The following PLCB1 variants were observed in gnomAD, a reference collection of about 807,000 sequenced individuals.
The protein encoded by PLCB1 is 1-phosphatidylinositol 4,5-bisphosphate phosphodiesterase beta-1.
Under a neutral mutation model 161.8 loss-of-function variants are expected in PLCB1, and 46 were observed. The ratio of observed to expected loss-of-function variants is 0.28; its 90% CI spans 0.22 to 0.36. The LOEUF is 0.36. Among genes scored for constraint, PLCB1 ranks in the 10% least tolerant of loss-of-function variants. The pLI is 1.00. For synonymous variants in PLCB1, 517 were observed against 503.7 expected, an observed-to-expected ratio of 1.03 and a Z score of -0.35; for missense variants, 1,016 against 1,472.5, an observed-to-expected ratio of 0.69 and a Z score of 5.07.
chr20:8,713,728 T>A (rs1290020766), intron 12 of PLCB1, among the ~76,000 whole-genome samples: 2 of 152,178 alleles, frequency 1.3e-5, no homozygotes, highest in Non-Finnish European at 2.9e-5. Context: ...ATCTGCAGTC[T>A]GGCTTAAAAT....
intron 3 of PLCB1, among the ~76,000 whole-genome samples, chr20:8,606,677 C>T (rs973346378): frequency 1.3e-5 from 2 of 152,226 alleles, no homozygotes; most frequent in African/African-American, 4.8e-5. Context: ...TTCTGTCAGG[C>T]TTTGAATGAG....
intron 31 of PLCB1, among the ~76,000 whole-genome samples, chr20:8,826,866 G>A (rs1328712528): frequency 2.0e-5 from 3 of 152,172 alleles, no homozygotes; most frequent in Admixed American, 6.5e-5. Context: ...GTGATTTTAT[G>A]CGTCTGTGTT....
chr20:8,353,748 A>G (rs189742237), intron 2 of PLCB1, among the ~76,000 whole-genome samples: 1 of 152,134 alleles, frequency 6.6e-6, no homozygotes, highest in Non-Finnish European at 1.5e-5. Context: ...TGCCAAAGAG[A>G]CACCCTAAGA....
chr20:8,235,170 C>A (rs1781836587), intron 2 of PLCB1, among the ~76,000 whole-genome samples: 1 of 152,008 alleles, frequency 6.6e-6, no homozygotes, highest in African/African-American at 2.4e-5. Context: ...TATTCAGAGC[C>A]TTTTCCAGCC....
chr20:8,279,146 T>C (rs1187518488), intron 2 of PLCB1, among the ~76,000 whole-genome samples: 1 of 152,130 alleles, frequency 6.6e-6, no homozygotes, highest in Non-Finnish European at 1.5e-5. Context: ...CAGTGTTCCA[T>C]ACCTAGATAT....
At chr20:8,705,574 T>C (rs1978625426) in intron 11 of PLCB1, among the ~76,000 whole-genome samples, 1 of 152,222 alleles carries the variant, frequency 6.6e-6, no homozygotes, top group Non-Finnish European at 1.5e-5. Context: ...TGAATTATGC[T>C]GTCTGGATGG....
chr20:8,139,539 T>C (rs2051382407), intron 1 of PLCB1, among the ~76,000 whole-genome samples: 1 of 152,164 alleles, frequency 6.6e-6, no homozygotes, highest in Admixed American at 6.5e-5. Flanking sequence ...TATCAATATA[T>C]AGCATTGATA....
intron 2 of PLCB1, among the ~76,000 whole-genome samples, chr20:8,224,763 G>A (rs988923438): frequency 3.3e-5 from 5 of 151,898 alleles, no homozygotes; most frequent in African/African-American, 7.3e-5. Flanking sequence ...CGCCCACCAC[G>A]CCACCCCTAG....
intron 2 of PLCB1, among the ~76,000 whole-genome samples, chr20:8,369,353 A>C (rs1038491620): frequency 6.6e-6 from 1 of 151,976 alleles, no homozygotes; most frequent in Admixed American, 6.5e-5. Context: ...CTTATTTCCC[A>C]TCTTCTAGAT....
chr20:8,384,426 C>A (rs550931718), intron 3 of PLCB1, among the ~76,000 whole-genome samples: 1 of 152,094 alleles, frequency 6.6e-6, no homozygotes, highest in South Asian at 2.1e-4. Context: ...CTCCTCTAAC[C>A]TTTTATCAAG....
chr20:8,429,942 G>A (rs928166809), intron 3 of PLCB1, among the ~76,000 whole-genome samples: 2 of 151,938 alleles, frequency 1.3e-5, no homozygotes, highest in African/African-American at 4.8e-5. Flanking sequence ...GCCAGAATTC[G>A]AACATGGATT....
chr20:8,205,439 G>A (rs972697713), intron 2 of PLCB1, among the ~76,000 whole-genome samples: 6 of 152,136 alleles, frequency 3.9e-5, no homozygotes, highest in Admixed American at 6.5e-5. Context: ...GATGAAATTT[G>A]TCCATACTAT....
At chr20:8,600,359 G>C (rs1431924469) in intron 3 of PLCB1, among the ~76,000 whole-genome samples, 11 of 105,684 alleles carry the variant, frequency 1.0e-4, no homozygotes, top group Admixed American at 1.7e-4. Context: ...ATACCCTGCC[G>C]TGTGAGGTGT....
chr20:8,602,892 G>A (rs947913570), intron 3 of PLCB1, among the ~76,000 whole-genome samples: 3 of 152,182 alleles, frequency 2.0e-5, no homozygotes, highest in Admixed American at 2.0e-4. Context: ...AAGGAGAGCT[G>A]GTGTTCAGAG....
chr20:8,501,849 A>T (rs930878027), intron 3 of PLCB1, among the ~76,000 whole-genome samples: 3 of 138,362 alleles, frequency 2.2e-5, no homozygotes, highest in South Asian at 2.3e-4. Flanking sequence ...TATTTTTTTT[A>T]AAAAAGATAT....
chr20:8,293,599 T>G (rs1033064864), intron 2 of PLCB1, among the ~76,000 whole-genome samples: 5 of 147,508 alleles, frequency 3.4e-5, no homozygotes, highest in African/African-American at 1.3e-4. Context: ...TTGATTTGTA[T>G]GAAGACATAA....
At chr20:8,175,203 G>A (rs773583598) in intron 2 of PLCB1, among the ~76,000 whole-genome samples, 73 of 151,844 alleles carry the variant, frequency 4.8e-4, no homozygotes, top group Non-Finnish European at 9.0e-4. Flanking sequence ...TAACCTCCAA[G>A]AAGGCAAGAA....
intron 31 of PLCB1, among the ~76,000 whole-genome samples, chr20:8,875,009 A>C (rs1987730627): frequency 6.6e-6 from 1 of 151,938 alleles, no homozygotes; most frequent in Admixed American, 6.6e-5. Context: ...AATTAAATTA[A>C]ATTAATCAAT....
chr20:8,372,859 G>A (rs949065468), intron 3 of PLCB1, among the ~76,000 whole-genome samples: 5 of 151,996 alleles, frequency 3.3e-5, no homozygotes, highest in African/African-American at 9.7e-5. Flanking sequence ...TTTCAATATC[G>A]ATATTAGTTT....
Sources: gnomAD v4.1 joint callset for allele counts (sites outside exome capture counted in the v4.1 genomes callset) on GRCh38, gnomAD v4.1.1 for gene constraint, MANE v1.5 for transcripts, NCBI Gene and HGNC (gene_info 2026-07-23, HGNC 2026-07-21) for gene names.